Variants in JAK1 observed in about 807,000 individuals in gnomAD.
JAK1 encodes the protein Janus kinase 1, also known as tyrosine-protein kinase JAK1.
In JAK1, 16 loss-of-function variants were observed where a neutral mutation model predicts 136.6. The ratio of observed to expected loss-of-function variants is 0.12; its 90% confidence interval spans 0.08 to 0.18. The LOEUF is 0.18. Among genes scored for constraint, JAK1 ranks in the 10% least tolerant of loss-of-function variants. JAK1 has a pLI of 1.00. For missense variants in JAK1, 859 were observed against 1,450.1 expected (o/e 0.59, Z 6.62); for synonymous variants, 492 against 519.5 (o/e 0.95, Z 0.72).
intron 2 of JAK1, among the ~76,000 whole-genome samples, chr1:65,002,715 C>G (rs1015488140): frequency 6.6e-6 from 1 of 152,222 alleles, no homozygotes; most frequent in Non-Finnish European, 1.5e-5. Context: ...GCGGGGGCAC[C>G]GCGCAGTTGG....
At chr1:65,020,084 G>A (rs1422272395) in intron 2 of JAK1, among the ~76,000 whole-genome samples, 1 of 151,300 alleles carries the variant, frequency 6.6e-6, no homozygotes, top group Non-Finnish European at 1.5e-5. Flanking sequence ...AATTAGCCAG[G>A]TGTGCTGGTG....
intron 2 of JAK1, among the ~76,000 whole-genome samples, chr1:64,996,535 A>G (rs1406411879): frequency 6.6e-6 from 1 of 152,256 alleles, no homozygotes; most frequent in Non-Finnish European, 1.5e-5. Flanking sequence ...ATTTGTGGTT[A>G]TTGTATCTAA....
At chr1:64,842,459 G>A (rs1478656840) in intron 17 of JAK1, among the ~76,000 whole-genome samples, 1 of 151,792 alleles carries the variant, frequency 6.6e-6, no homozygotes, top group Non-Finnish European at 1.5e-5. Flanking sequence ...GGGCCCTGGG[G>A]TGGGGTGGGG....
chr1:65,063,657 C>T (rs1647910343), intron 1 of JAK1, among the ~76,000 whole-genome samples: 1 of 151,800 alleles, frequency 6.6e-6, no homozygotes, highest in African/African-American at 2.4e-5. Flanking sequence ...TACAAAAAAT[C>T]TGCCGGGCGT....
chr1:65,005,269 A>C (rs1646794283), intron 2 of JAK1, among the ~76,000 whole-genome samples: 1 of 151,960 alleles, frequency 6.6e-6, no homozygotes, highest in South Asian at 2.1e-4. Context: ...ACTTGAACCC[A>C]GGAGGTGGAG....
intron 13 of JAK1, among the ~76,000 whole-genome samples, chr1:64,847,103 G>A (rs1655285424): frequency 6.6e-6 from 1 of 152,250 alleles, no homozygotes; most frequent in Non-Finnish European, 1.5e-5. Flanking sequence ...GAAGGCAGCC[G>A]ATCTCTGCTC....
intron 2 of JAK1, among the ~76,000 whole-genome samples, chr1:65,035,835 G>A (rs911755277): frequency 3.3e-5 from 5 of 152,138 alleles, no homozygotes; most frequent in Admixed American, 2.6e-4. Flanking sequence ...TTGGGAGGCC[G>A]AGGCGGGCGG....
At position 64,983,152 on chromosome 1, in the gene JAK1, G is replaced by A. The variant is rs184367555; in HGVS notation, c.-78+61328C>T. Among the ~76,000 whole-genome samples, 8 of 152,300 alleles carry A rather than the reference G, an allele frequency of 5.3e-5. No homozygotes were observed. In the South Asian group the frequency reaches 8.3e-4, roughly 16 times the overall value. On this transcript the variant is annotated intron_variant, in intron 2 of 25. Transcript: ENST00000671954. The stretch of plus-strand genomic sequence containing the variant: ...CCAGCAACATAGGAAAAAGGGGGCT[G>A]TGGGAATAAACACAGAGCAAATAAG...
chr1:65,025,238 A>G (rs1275805471), intron 2 of JAK1, among the ~76,000 whole-genome samples: 1 of 152,196 alleles, frequency 6.6e-6, no homozygotes, highest in African/African-American at 2.4e-5. Context: ...AGGTACACTG[A>G]TTTAGGGGGA....
intron 6 of JAK1, 139 bp downstream of exon 6, chr1:64,869,171 TA>T: frequency 1.4e-6 from 1 of 713,688 alleles, no homozygotes; most frequent in Non-Finnish European, 2.4e-6. Flanking sequence ...GTGTATGTAG[TA>T]AACATTCTAA....
intron 1 of JAK1, among the ~76,000 whole-genome samples, chr1:65,061,175 T>C (rs1392857168): frequency 6.6e-6 from 1 of 152,112 alleles, no homozygotes; most frequent in Non-Finnish European, 1.5e-5. Flanking sequence ...TCTCAGCGCC[T>C]TAGGAGGCTG....
Position 64,984,221 on chromosome 1 carries a change from C to T in JAK1, c.-78+60259G>A, listed in dbSNP as rs1400403672. 2.0e-5 allele frequency among the ~76,000 whole-genome samples: 3 copies of T among 152,190 alleles called. No individual in the cohort carries two copies. In the South Asian group the frequency reaches 6.2e-4, roughly 31 times the overall value. On this transcript the variant is annotated intron_variant, in intron 2 of 25. Transcript: ENST00000671954. This position sits in a 1 kb window ranked among gnomAD's most constrained non-coding sequence, Gnocchi z 4.1. Reference sequence around the variant, plus strand: ...GAAGGTGCTCTTACATAAACCCTGTCTGCCTTCCCACAGTGTGTGTGTATC... The same window carrying T: ...GAAGGTGCTCTTACATAAACCCTGTTTGCCTTCCCACAGTGTGTGTGTATC...
chr1:65,067,023 GGAAAT>G (rs1648082672), intron 1 of JAK1, among the ~76,000 whole-genome samples: 2 of 152,098 alleles, frequency 1.3e-5, no homozygotes, highest in South Asian at 4.1e-4. Flanking sequence ...GCAAAACCGC[GGAAAT>G]GCCCATGGGC....
chr1:64,998,305 G>A (rs529188458), intron 2 of JAK1, among the ~76,000 whole-genome samples: 2 of 152,320 alleles, frequency 1.3e-5, no homozygotes, highest in African/African-American at 4.8e-5. Context: ...ATTGTTGAAA[G>A]TAATTACCAT....
chr1:64,902,583 A>AGAGAGAGTGTGTGTGT, intron 1 of JAK1, among the ~76,000 whole-genome samples: 2,873 of 73,806 alleles, frequency 0.039, 127 homozygotes, highest in Admixed American at 0.1. Context: ...AGAGAGAGAG[A>AGAGAGAGTGTGTGTGT]GTGTGTGTGT....
At chr1:64,928,435 C>T (rs1645620143) in intron 1 of JAK1, among the ~76,000 whole-genome samples, 1 of 152,208 alleles carries the variant, frequency 6.6e-6, no homozygotes, top group South Asian at 2.1e-4. Flanking sequence ...GAAGCCAGCT[C>T]TCACTGCACC....
intron 1 of JAK1, among the ~76,000 whole-genome samples, chr1:64,904,294 G>A (rs1389242847): frequency 1.3e-5 from 2 of 152,288 alleles, no homozygotes; most frequent in East Asian, 3.9e-4. Flanking sequence ...CAATTTGAAG[G>A]TAAGAATTAA....
intron 12 of JAK1, among the ~76,000 whole-genome samples, chr1:64,848,683 G>A (rs1272730657): frequency 6.6e-6 from 1 of 152,138 alleles, no homozygotes; most frequent in Non-Finnish European, 1.5e-5. Context: ...TGGGATTCAC[G>A]AAACTTAGGC....
chr1:64,835,848 C>G (rs1654449068), intron 23 of JAK1, among the ~76,000 whole-genome samples: 1 of 152,066 alleles, frequency 6.6e-6, no homozygotes, highest in African/African-American at 2.4e-5. Flanking sequence ...ATAAAACTGC[C>G]CTTCATCTCT....
Sources: allele counts gnomAD v4.1 joint callset (sites outside exome capture counted in the v4.1 genomes callset), GRCh38; gene constraint gnomAD v4.1.1; non-coding constraint Gnocchi (gnomAD v3.1); transcripts MANE v1.5; gene names NCBI Gene and HGNC (gene_info 2026-07-23, HGNC 2026-07-21).